CFAP46: variants seen among roughly 807,000 people sequenced by gnomAD.
CFAP46 encodes the protein cilia- and flagella-associated protein 46.
CFAP46 carries 245 observed loss-of-function variants against 325.7 expected under a neutral mutation model. The ratio of observed to expected loss-of-function variants is 0.75; its 90% confidence interval spans 0.68 to 0.84. CFAP46 has a LOEUF of 0.84. Ranked by LOEUF, CFAP46 falls within the 40% of genes least tolerant of loss-of-function variation. The probability of loss-of-function intolerance (pLI) is 0.00; values close to 1 mark genes in which losing one functional copy is unlikely to be tolerated. For missense variants in CFAP46, 3,346 were observed against 3,543.0 expected (o/e 0.94, Z 1.41); for synonymous variants, 1,523 against 1,495.9 (o/e 1.02, Z -0.42).
chr10:132,821,717 TGTGTGCTGAC>T (rs1414754951), intron 50 of CFAP46, among the ~76,000 whole-genome samples: 1 of 131,384 alleles, frequency 7.6e-6, no homozygotes, highest in Non-Finnish European at 1.6e-5. Flanking sequence ...TGACGTGTGC[TGTGTGCTGAC>T]GTGTGCTGTG....
At chr10:132,822,780 A>T (rs200792449) in intron 50 of CFAP46, among the ~76,000 whole-genome samples, 8 of 72,522 alleles carry the variant, frequency 1.1e-4, no homozygotes, top group African/African-American at 1.8e-4. Context: ...CTGTGTGTGC[A>T]CTTGTGTGTG....
intron 8 of CFAP46, among the ~76,000 whole-genome samples, chr10:132,934,294 G>A (rs1171845492): frequency 8.8e-6 from 1 of 113,144 alleles, no homozygotes; most frequent in Non-Finnish European, 1.6e-5. Flanking sequence ...AAACCAGCCA[G>A]TGCTTTCCAT....
intron 39 of CFAP46, among the ~76,000 whole-genome samples, chr10:132,854,758 A>C (rs1375307266): frequency 6.6e-6 from 1 of 151,946 alleles, no homozygotes; most frequent in Admixed American, 6.6e-5. Context: ...CTCTAATTCC[A>C]CGACATTTTC....
At chr10:132,909,870 A>AT in intron 20 of CFAP46, 49 bp downstream of exon 20, 2 of 1,363,342 alleles carry the variant, frequency 1.5e-6, no homozygotes, top group South Asian at 1.8e-5. Flanking sequence ...TCAGATCTCT[A>AT]TGTCCACAGG....
chr10:132,937,771 A>G, intron 5 of CFAP46, 96 bp from the exon 6 acceptor site: 1 of 1,489,838 alleles, frequency 6.7e-7, no homozygotes, highest in African/African-American at 1.4e-5. Flanking sequence ...TTTGTGTTTC[A>G]CAAAGTTTAA....
At chr10:132,849,753 G>T (rs1199942690) in intron 41 of CFAP46, among the ~76,000 whole-genome samples, 1 of 152,184 alleles carries the variant, frequency 6.6e-6, no homozygotes, top group Non-Finnish European at 1.5e-5. Context: ...AGGGGGTGGG[G>T]GATGGAGGGG....
intron 44 of CFAP46, among the ~76,000 whole-genome samples, chr10:132,837,354 C>G (rs887676990): frequency 6.6e-6 from 1 of 152,184 alleles, no homozygotes; most frequent in Admixed American, 6.5e-5. Flanking sequence ...CACAGACACG[C>G]ACTCACGCAG....
intron 44 of CFAP46, among the ~76,000 whole-genome samples, chr10:132,841,193 A>C (rs1052706327): frequency 1.2e-4 from 19 of 152,240 alleles, no homozygotes; most frequent in African/African-American, 4.6e-4. Flanking sequence ...TCCGAAGTTC[A>C]GTCTTATCTA....
At position 132,920,071 on chromosome 10, in the gene CFAP46, T is replaced by A. The variant is rs989683223; in HGVS notation, c.1718A>T (p.Asn573Ile). 7 of 1,545,480 alleles carry A rather than the reference T, an allele frequency of 4.5e-6. No homozygotes were observed. The highest frequency in any genetic ancestry group is 6.1e-6 in the Non-Finnish European group (7 of 1,144,974). ...AGHLRRLGNE[N>I]DKERIQIWAE... Reference sequence around the variant, plus strand: ...TTTCCTCACTCACCTCTCCTTGTCGTTTTCGTTGCCCAGGCGCCGCAGGTG... The same window carrying A: ...TTTCCTCACTCACCTCTCCTTGTCGATTTCGTTGCCCAGGCGCCGCAGGTG... The change falls in exon 14 of 58, where the codon AAC becomes ATC. Residue 573 changes from asparagine (N) to isoleucine (I), a missense_variant. Coordinates refer to ENST00000368586, the MANE Select transcript of CFAP46 (RefSeq NM_001200049.3).
chr10:132,917,023 C>T (rs907818039), intron 16 of CFAP46, among the ~76,000 whole-genome samples: 5 of 152,364 alleles, frequency 3.3e-5, no homozygotes, highest in Admixed American at 6.5e-5. Flanking sequence ...GTAATCATTA[C>T]GTTTTAAATG....
rs954035614 is a variant in CFAP46, at chr10:132,908,258, G to A, written c.2924+210C>T. The A allele has an allele frequency of 4.5e-5, 27 of 593,728 alleles. No individual in the cohort carries two copies. In the Middle Eastern group the frequency reaches 1.8e-3, roughly 40 times the overall value. The allele number at this position is 593,728 out of a possible 1,614,324, so 36.8% of individuals were successfully genotyped here. ...CTCACCTGCTCCCTGATCTGTGATC[G>A]CCGCCCAGGCCCGCGCTCCCTGCCC... On this transcript the variant is annotated intron_variant, in intron 22 of 57. Coordinates refer to ENST00000368586, the MANE Select transcript of CFAP46 (RefSeq NM_001200049.3).
intron 50 of CFAP46, among the ~76,000 whole-genome samples, chr10:132,819,276 T>C (rs538813355): frequency 2.6e-5 from 4 of 152,198 alleles, no homozygotes; most frequent in Non-Finnish European, 5.9e-5. Flanking sequence ...TGGGAAGATA[T>C]CCTGTGTTCA....
chr10:132,913,365 T>TTTGG, intron 17 of CFAP46, 107 bp from the exon 18 acceptor site: 2 of 279,296 alleles, frequency 7.2e-6, no homozygotes, highest in Admixed American at 4.6e-5. Context: ...GGGCAAGAAG[T>TTTGG]GGGAGGGGCG....
rs1591100631 is a variant in CFAP46 at position 132,934,851 on chromosome 10, T to C, written c.767A>G (p.Gln256Arg). ...ACTGATGTCACCTGGTAAATCATTT[T>C]GCTCCGCTTTTCTAGAAATAATTCA... ...YINMLKAKAEQNDLPGDISVI... is the reference protein window; with the variant it reads ...YINMLKAKAERNDLPGDISVI... The change falls in exon 8 of 58, where the codon CAA becomes CGA. Residue 256 changes from glutamine (Q) to arginine (R), a missense_variant. Transcript: ENST00000368586. The C allele has an allele frequency of 6.2e-7, 1 of 1,600,680 alleles. No homozygotes were observed. The highest frequency in any genetic ancestry group is 8.6e-7 in the Non-Finnish European group (1 of 1,168,280).
At chr10:132,834,343 T>C (rs1848202160) in intron 48 of CFAP46, among the ~76,000 whole-genome samples, 1 of 152,050 alleles carries the variant, frequency 6.6e-6, no homozygotes, top group African/African-American at 2.4e-5. Flanking sequence ...CAGGTGTCCG[T>C]CCCCTCTGCC....
chr10:132,848,192 C>T (rs1223086494), intron 41 of CFAP46, among the ~76,000 whole-genome samples: 3 of 152,106 alleles, frequency 2.0e-5, no homozygotes, highest in Admixed American at 2.0e-4. Context: ...AAAATAGACC[C>T]GTGAGAAACA....
Position 132,814,925 on chromosome 10 carries a change from C to G in CFAP46, c.7118-11G>C, listed in dbSNP as rs769984744. 1 of 1,613,888 alleles carries G rather than the reference C, an allele frequency of 6.2e-7. No individual in the cohort carries two copies. Among genetic ancestry groups the G allele is most frequent in the African/African-American group, 1.3e-5 (1 of 74,988 alleles). ...TTTTCACGCCACCTTCTGTTGAAGA[C>G]AAGAAAGAGGCAGGGATGTTTGGCA... is the stretch of plus-strand genomic sequence containing the variant. On this transcript the variant is annotated splice_polypyrimidine_tract_variant and intron_variant, in intron 50 of 57. Coordinates refer to ENST00000368586, the MANE Select transcript of CFAP46 (RefSeq NM_001200049.3).
intron 46 of CFAP46, 142 bp from the exon 47 acceptor site, chr10:132,835,576 C>T: frequency 9.3e-7 from 1 of 1,070,860 alleles, no homozygotes; most frequent in South Asian, 1.6e-5. Flanking sequence ...ATGTGGGGTC[C>T]CCCTGGTCCC....
chr10:132,892,509 T>G, intron 24 of CFAP46, 92 bp from the exon 25 acceptor site: 1 of 1,181,710 alleles, frequency 8.5e-7, no homozygotes, highest in Non-Finnish European at 1.2e-6. Context: ...GAGCTCTGTG[T>G]TCCTCTCCTT....
Sources: gnomAD v4.1 joint callset for allele counts (sites outside exome capture counted in the v4.1 genomes callset) on GRCh38, gnomAD v4.1.1 for gene constraint, MANE v1.5 for transcripts, NCBI Gene and HGNC (gene_info 2026-07-23, HGNC 2026-07-21) for gene names.